FANCC: variants seen among roughly 807,000 people sequenced by gnomAD.
The protein encoded by FANCC is FA complementation group C.
Under a neutral mutation model 71.3 loss-of-function variants are expected in FANCC, and 55 were observed. The observed-to-expected ratio is 0.77, with a 90% confidence interval of 0.62 to 0.97. The LOEUF is 0.97. Ranked by LOEUF, FANCC falls within the 50% of genes least tolerant of loss-of-function variation. The pLI, the probability that FANCC is intolerant of heterozygous loss-of-function variation, is 0.00. For missense variants in FANCC, 678 were observed against 670.9 expected (o/e 1.01, Z -0.12); for synonymous variants, 275 against 244.9 (o/e 1.12, Z -1.15).
rs768988593 is a variant in FANCC, at chr9:95,111,225, G to A, written c.1329+238C>T. ...ATGACCTTGGGGAAGAAGGGTCTTC[G>A]TTTTGCAGGAGAATGGGCTGGCAGC... On this transcript the variant is annotated intron_variant, in intron 13 of 14. Coordinates refer to ENST00000289081, the MANE Select transcript of FANCC (RefSeq NM_000136.3). 3.9e-5 allele frequency: 60 copies of A among 1,536,706 alleles called. No homozygotes were observed. In the Admixed American group the frequency reaches 5.1e-4, roughly 13 times the overall value.
intron 14 of FANCC, among the ~76,000 whole-genome samples, chr9:95,104,210 C>T (rs1426164111): frequency 2.0e-5 from 3 of 152,210 alleles, no homozygotes; most frequent in African/African-American, 7.2e-5. Context: ...GCCACCGCAG[C>T]GAAGGCTTCT....
At position 95,317,591 on chromosome 9, in the gene FANCC, G is replaced by C. The variant is rs889195328; in HGVS notation, c.-144C>G. The C allele has an allele frequency of 1.3e-5, 2 of 152,232 alleles. No individual in the cohort carries two copies. The highest frequency in any genetic ancestry group is 2.9e-5 in the Non-Finnish European group (2 of 68,040). The allele number at this position is 152,232 out of a possible 1,614,324, so 9.4% of individuals were successfully genotyped here. A position where few individuals can be genotyped will look rare whatever the true frequency, so the allele number is the denominator to read the frequency against. On this transcript the variant is annotated 5_prime_UTR_variant, in exon 1 of 15. The change creates a new upstream start codon in the 5' untranslated region. Transcript: ENST00000289081. ...TGGCGGAAAGGAAGCCACCGCCCGG[G>C]ATCTGTGGCTTGAAAATTTGGCTTT...
At chr9:95,102,618 C>T (rs946157336) in intron 14 of FANCC, among the ~76,000 whole-genome samples, 1 of 152,182 alleles carries the variant, frequency 6.6e-6, no homozygotes, top group Non-Finnish European at 1.5e-5. Flanking sequence ...GCCAGAGCAG[C>T]CCAAGGTCAG....
At chr9:95,244,703 A>AAC in intron 3 of FANCC, among the ~76,000 whole-genome samples, 1 of 149,936 alleles carries the variant, frequency 6.7e-6, no homozygotes, top group Admixed American at 6.6e-5. Context: ...AAAAAAAAAA[A>AAC]AAAAAAAAAA....
chr9:95,276,158 G>A (rs1343007255), intron 1 of FANCC, among the ~76,000 whole-genome samples: 1 of 152,120 alleles, frequency 6.6e-6, no homozygotes, highest in East Asian at 1.9e-4. Context: ...AAATACAAAA[G>A]CTCTTCTTGG....
At chr9:95,124,945 G>A in intron 10 of FANCC, 141 bp downstream of exon 10, 1 of 743,130 alleles carries the variant, frequency 1.3e-6, no homozygotes, top group South Asian at 1.5e-5. Flanking sequence ...CTTAACCTTT[G>A]TTGGGGCACT....
At chr9:95,160,260 C>G (rs1285631839) in intron 6 of FANCC, among the ~76,000 whole-genome samples, 1 of 152,152 alleles carries the variant, frequency 6.6e-6, no homozygotes, top group African/African-American at 2.4e-5. Flanking sequence ...AGCCAGTTTT[C>G]CCAGCACCAT....
At chr9:95,305,588 A>G (rs1458070186) in intron 1 of FANCC, among the ~76,000 whole-genome samples, 1 of 152,230 alleles carries the variant, frequency 6.6e-6, no homozygotes, top group Non-Finnish European at 1.5e-5. Flanking sequence ...TTTTAATTGA[A>G]CAATGCAACT....
chr9:95,199,907 CCTT>C (rs1588269823), intron 4 of FANCC, among the ~76,000 whole-genome samples: 1 of 152,090 alleles, frequency 6.6e-6, no homozygotes, highest in East Asian at 1.9e-4. Context: ...CTTATATGAA[CCTT>C]CTTTGTTTCT....
chr9:95,241,077 C>T (rs1247439890), intron 3 of FANCC, among the ~76,000 whole-genome samples: 1 of 152,104 alleles, frequency 6.6e-6, no homozygotes, highest in Non-Finnish European at 1.5e-5. Flanking sequence ...TAAAGCCAAA[C>T]GAGAATGATG....
At chr9:95,170,014 AT>A (rs1294420744) in intron 6 of FANCC, among the ~76,000 whole-genome samples, 2 of 152,144 alleles carry the variant, frequency 1.3e-5, no homozygotes, top group Admixed American at 6.5e-5. Flanking sequence ...TTTAAAAATT[AT>A]TTTGTTTATT....
At chr9:95,157,099 T>C (rs1268669965) in intron 6 of FANCC, among the ~76,000 whole-genome samples, 7 of 151,978 alleles carry the variant, frequency 4.6e-5, no homozygotes, top group Non-Finnish European at 4.4e-5. Context: ...TTAAGCACCA[T>C]ATAAACAATG....
chr9:95,172,089 G>A lies in FANCC; in HGVS notation c.404C>T (p.Thr135Ile), dbSNP rs2135588160. The A allele has an allele frequency of 1.2e-6, 2 of 1,613,354 alleles. No individual in the cohort carries two copies. Among genetic ancestry groups the A allele is most frequent in the East Asian group, 2.2e-5 (1 of 44,796 alleles). ...LRFDKEVALF[T>I]QGLGYAPIDY... ...TATAGGTGCATACCCAAGACCTTGA[G>A]TGAAAAGAGCAACTTCTTTATCAAA... The change falls in exon 5 of 15, where the codon ACT becomes ATT. Residue 135 changes from threonine (T) to isoleucine (I), a missense_variant. Transcript: ENST00000289081.
chr9:95,099,244 A>AAACT lies in FANCC; in HGVS notation c.*2459_*2462dup. The AAACT allele has an allele frequency of 4.6e-6, 1 of 218,942 alleles. No individual in the cohort carries two copies. Among genetic ancestry groups the AAACT allele is most frequent in the South Asian group, 1.9e-4 (1 of 5,388 alleles). The allele number at this position is 218,942 out of a possible 1,614,324, so 13.6% of individuals were successfully genotyped here. On this transcript the variant is annotated 3_prime_UTR_variant, in exon 15 of 15. Coordinates refer to ENST00000289081, the MANE Select transcript of FANCC (RefSeq NM_000136.3). ...TGGTTTTACCAGCATGCTTTATCAA[A>AAACT]AACTAAACTATCAGGGAGAGTCTAC... is the stretch of plus-strand genomic sequence containing the variant.
At chr9:95,185,972 AATCTT>A (rs2135706723) in intron 4 of FANCC, among the ~76,000 whole-genome samples, 1 of 152,330 alleles carries the variant, frequency 6.6e-6, no homozygotes, top group South Asian at 2.1e-4. Context: ...GAAAATCTGA[AATCTT>A]ATCATATGTT....
intron 1 of FANCC, among the ~76,000 whole-genome samples, chr9:95,298,672 C>T (rs574452789): frequency 6.6e-6 from 1 of 152,324 alleles, no homozygotes; most frequent in South Asian, 2.1e-4. Flanking sequence ...ATTAGCAGAC[C>T]TGTAGCCCAC....
chr9:95,174,863 C>T (rs1825913385), intron 4 of FANCC, among the ~76,000 whole-genome samples: 1 of 152,000 alleles, frequency 6.6e-6, no homozygotes, highest in African/African-American at 2.4e-5. Flanking sequence ...GCACACATAC[C>T]AGTGACACTC....
At chr9:95,227,637 C>A (rs1829704658) in intron 4 of FANCC, among the ~76,000 whole-genome samples, 1 of 152,186 alleles carries the variant, frequency 6.6e-6, no homozygotes, top group Non-Finnish European at 1.5e-5. Context: ...AAAGAAGCCA[C>A]CATCTGATTT....
At chr9:95,201,020 A>C (rs1426057122) in intron 4 of FANCC, among the ~76,000 whole-genome samples, 3 of 152,212 alleles carry the variant, frequency 2.0e-5, no homozygotes, top group Non-Finnish European at 4.4e-5. Context: ...ATTTCCCATC[A>C]AGAAAGCAAA....
Sources: gnomAD v4.1 joint callset for allele counts (sites outside exome capture counted in the v4.1 genomes callset) on GRCh38, gnomAD v4.1.1 for gene constraint, MANE v1.5 for transcripts, NCBI Gene and HGNC (gene_info 2026-07-23, HGNC 2026-07-21) for gene names.